Variants in MIGA1 observed in about 807,000 individuals in gnomAD.
MIGA1 encodes the protein family with sequence similarity 73, member A.
A neutral mutation model predicts 82.0 loss-of-function variants in MIGA1; 58 were observed. The observed-to-expected ratio is 0.71, with a 90% CI of 0.57 to 0.88. The LOEUF (loss-of-function observed/expected upper bound fraction) is 0.88. Among genes scored for constraint, MIGA1 ranks in the 40% least tolerant of loss-of-function variants. The probability of loss-of-function intolerance (pLI) is 0.00; values close to 1 mark genes in which losing one functional copy is unlikely to be tolerated. For missense variants in MIGA1, 751 were observed against 749.1 expected, an observed-to-expected ratio of 1.00 and a Z score of -0.03; for synonymous variants, 249 against 253.6, an observed-to-expected ratio of 0.98 and a Z score of 0.17.
In MIGA1 at chr1:77,875,174, G is replaced by A; in HGVS notation, c.*110G>A. 4 of 855,760 alleles carry A rather than the reference G, an allele frequency of 4.7e-6. No homozygotes were observed. Among genetic ancestry groups the A allele is most frequent in the South Asian group, 1.8e-5 (1 of 56,552 alleles). The allele number at this position is 855,760 out of a possible 1,614,324, so 53.0% of individuals were successfully genotyped here. A position where few individuals can be genotyped will look rare whatever the true frequency, so the allele number is the denominator to read the frequency against. ...CAGAATTGATGCATGTGGATTCAGGGAGGAAAAAAAAATCTACTAAAAAAT... is the reference window on the plus strand; with the variant it reads ...CAGAATTGATGCATGTGGATTCAGGAAGGAAAAAAAAATCTACTAAAAAAT... On this transcript the variant is annotated 3_prime_UTR_variant, in exon 16 of 16. Coordinates refer to ENST00000370791, the MANE Select transcript of MIGA1 (RefSeq NM_198549.4).
chr1:77,839,127 C>G (rs1684535137), intron 7 of MIGA1, among the ~76,000 whole-genome samples: 1 of 152,104 alleles, frequency 6.6e-6, no homozygotes, highest in Admixed American at 6.5e-5. Flanking sequence ...CTTGAACTTT[C>G]ATAGGTAATG....
rs1203172161 is a variant in MIGA1, at chr1:77,877,943, G to A, written c.*2879G>A. The A allele has an allele frequency of 6.6e-6, 1 of 152,450 alleles. No homozygotes were observed. The highest frequency in any genetic ancestry group is 1.5e-5 in the Non-Finnish European group (1 of 68,036). The allele number at this position is 152,450 out of a possible 1,614,324, so 9.4% of individuals were successfully genotyped here. A position where few individuals can be genotyped will look rare whatever the true frequency, so the allele number is the denominator to read the frequency against. On this transcript the variant is annotated 3_prime_UTR_variant, in exon 16 of 16. Coordinates refer to ENST00000370791, the MANE Select transcript of MIGA1 (RefSeq NM_198549.4). ...TCAGTAGCTGCTACTTTAGCAAGATGTGGCCTTTCACAAAAGAGGTAAGAG... is the reference window on the plus strand; with the variant it reads ...TCAGTAGCTGCTACTTTAGCAAGATATGGCCTTTCACAAAAGAGGTAAGAG...
rs1473591312 is a variant in MIGA1 at position 77,843,410 on chromosome 1, A to G, written c.996+3A>G. On this transcript the variant is annotated splice_donor_region_variant and intron_variant, in intron 8 of 15. Coordinates refer to ENST00000370791, the MANE Select transcript of MIGA1 (RefSeq NM_198549.4). ...ATTCCTTTGCTTCCGCAGCAGAGGT[A>G]GGACATATGTGTTCCTAATGAGGAT... 21 of 1,609,972 alleles carry G rather than the reference A, an allele frequency of 1.3e-5. No individual in the cohort carries two copies. Among genetic ancestry groups the G allele is most frequent in the Non-Finnish European group, 1.8e-5 (21 of 1,176,408 alleles).
Position 77,875,003 on chromosome 1 carries a change from G to A in MIGA1, c.1838G>A (p.Ser613Asn). The A allele has an allele frequency of 1.2e-6, 2 of 1,614,168 alleles. No homozygotes were observed. Among genetic ancestry groups the A allele is most frequent in the Non-Finnish European group, 1.7e-6 (2 of 1,180,028 alleles). Residue 613 changes from serine to asparagine, a missense_variant, in exon 16 of 16, where the codon AGT becomes AAT. Ser to Asn is a conservative substitution (Grantham distance 46). This residue lies in a region of MIGA1 where 265 missense variants were observed against 293.6 expected (regional missense o/e 0.90). Transcript: ENST00000370791. ...GCAGATGCCCTGAGGCATACAAGTAGTTGTCTAAGCAGTCATGGTCATGTT... is the reference window on the plus strand; with the variant it reads ...GCAGATGCCCTGAGGCATACAAGTAATTGTCTAAGCAGTCATGGTCATGTT...
chr1:77,797,553 T>C (rs1682707545), intron 2 of MIGA1, among the ~76,000 whole-genome samples: 2 of 152,194 alleles, frequency 1.3e-5, no homozygotes, highest in Non-Finnish European at 2.9e-5. Flanking sequence ...ATTTGGATTA[T>C]GTTGTTTATG....
intron 14 of MIGA1, 90 bp from the exon 15 acceptor site, chr1:77,872,914 A>T (rs1302505183): frequency 2.6e-6 from 4 of 1,531,550 alleles, no homozygotes; most frequent in Admixed American, 1.8e-5. Context: ...CCCACTGGTC[A>T]TATAATGAAT....
chr1:77,862,697 T>C (rs1249206197), intron 12 of MIGA1, among the ~76,000 whole-genome samples: 3 of 149,480 alleles, frequency 2.0e-5, no homozygotes, highest in Non-Finnish European at 4.4e-5. Context: ...TCCCAGCACT[T>C]TGGGAGGCCG....
intron 8 of MIGA1, among the ~76,000 whole-genome samples, chr1:77,846,674 C>T (rs1684855103): frequency 6.6e-6 from 1 of 151,452 alleles, no homozygotes; most frequent in African/African-American, 2.4e-5. Flanking sequence ...TCGGCCGGGA[C>T]TGCTGGCTCA....
At chr1:77,802,223 C>T (rs535263615) in intron 3 of MIGA1, among the ~76,000 whole-genome samples, 7 of 152,258 alleles carry the variant, frequency 4.6e-5, no homozygotes, top group South Asian at 2.1e-4. Flanking sequence ...GTGACTATTT[C>T]GTACTGAGTG....
At chr1:77,785,721 G>A (rs1044282403) in intron 2 of MIGA1, among the ~76,000 whole-genome samples, 2 of 152,226 alleles carry the variant, frequency 1.3e-5, no homozygotes, top group Admixed American at 6.5e-5. Context: ...GATGCAAGAG[G>A]TGGGTTCCCA....
At chr1:77,804,814 G>T (rs1683025830) in intron 4 of MIGA1, among the ~76,000 whole-genome samples, 5 of 151,376 alleles carry the variant, frequency 3.3e-5, no homozygotes. Flanking sequence ...GTTTTTAGTA[G>T]AGATGGAGTT....
chr1:77,780,609 T>C (rs891810557), intron 1 of MIGA1, among the ~76,000 whole-genome samples: 4 of 152,324 alleles, frequency 2.6e-5, no homozygotes, highest in South Asian at 2.1e-4. Context: ...ATGACACTTA[T>C]TTTTAATTCC....
In MIGA1 at chr1:77,878,763, T is replaced by C. The variant is rs1461408530; in HGVS notation, c.*3699T>C. 3 of 384,028 alleles carry C rather than the reference T, an allele frequency of 7.8e-6. No homozygotes were observed. Among genetic ancestry groups the C allele is most frequent in the Non-Finnish European group, 1.4e-5 (3 of 216,148 alleles). The allele number at this position is 384,028 out of a possible 1,614,324, so 23.8% of individuals were successfully genotyped here. A position where few individuals can be genotyped will look rare whatever the true frequency, so the allele number is the denominator to read the frequency against. On this transcript the variant is annotated 3_prime_UTR_variant, in exon 16 of 16. Coordinates refer to ENST00000370791, the MANE Select transcript of MIGA1 (RefSeq NM_198549.4). Reference sequence around the variant, plus strand: ...GCTTATTTCTTCTTGAAGGTTAACATTATGTTTATTAAGTATCAAAATGGA... The same window carrying C: ...GCTTATTTCTTCTTGAAGGTTAACACTATGTTTATTAAGTATCAAAATGGA...
chr1:77,855,952 G>C (rs1003218995), intron 8 of MIGA1, among the ~76,000 whole-genome samples: 11 of 151,938 alleles, frequency 7.2e-5, no homozygotes, highest in African/African-American at 2.7e-4. Context: ...GGTGAGAGTG[G>C]GCATCCTTGT....
intron 2 of MIGA1, among the ~76,000 whole-genome samples, chr1:77,796,200 G>C (rs1465188880): frequency 2.0e-5 from 3 of 148,156 alleles, no homozygotes; most frequent in Admixed American, 6.7e-5. Flanking sequence ...CTCACTGCAA[G>C]CTCTGCCTCC....
intron 1 of MIGA1, among the ~76,000 whole-genome samples, chr1:77,781,178 G>C (rs927328288): frequency 6.6e-6 from 1 of 151,880 alleles, no homozygotes; most frequent in Admixed American, 6.6e-5. Context: ...CAAAATGCTG[G>C]GATTACAGGC....
chr1:77,819,582 C>T (rs1180745797), intron 7 of MIGA1, among the ~76,000 whole-genome samples: 1 of 151,690 alleles, frequency 6.6e-6, no homozygotes, highest in Non-Finnish European at 1.5e-5. Flanking sequence ...CTGCGCCTGG[C>T]CTATTCTTTA....
intron 2 of MIGA1, among the ~76,000 whole-genome samples, chr1:77,787,207 C>G (rs1256752727): frequency 6.6e-6 from 1 of 152,136 alleles, no homozygotes; most frequent in Non-Finnish European, 1.5e-5. Flanking sequence ...CTGGGTCCCT[C>G]TCACAACACA....
At chr1:77,856,455 ATTC>A (rs1685257557) in intron 8 of MIGA1, among the ~76,000 whole-genome samples, 1 of 152,070 alleles carries the variant, frequency 6.6e-6, no homozygotes, top group African/African-American at 2.4e-5. Flanking sequence ...ATTAGTACCA[ATTC>A]TTCTTTGAAT....
Sources: gnomAD v4.1 joint callset for allele counts (sites outside exome capture counted in the v4.1 genomes callset) on GRCh38, gnomAD v4.1.1 for gene constraint, gnomAD v4.1.1 regional missense constraint, MANE v1.5 for transcripts, NCBI Gene and HGNC (gene_info 2026-07-23, HGNC 2026-07-21) for gene names.